Variants in CABIN1 observed in about 807,000 individuals in gnomAD.
The protein encoded by CABIN1 is calcineurin-binding protein cabin-1.
A neutral mutation model predicts 227.7 loss-of-function variants in CABIN1; 133 were observed. The observed-to-expected ratio is 0.58, with a 90% CI of 0.51 to 0.67. The LOEUF (loss-of-function observed/expected upper bound fraction) is 0.67. Ranked by LOEUF, CABIN1 falls within the 30% of genes least tolerant of loss-of-function variation. The pLI, the probability that CABIN1 is intolerant of heterozygous loss-of-function variation, is 0.00. For missense variants in CABIN1, 2,408 were observed against 2,852.5 expected, an observed-to-expected ratio of 0.84 and a Z score of 3.55; for synonymous variants, 1,086 against 1,155.1, an observed-to-expected ratio of 0.94 and a Z score of 1.21.
chr22:24,139,646 T>C (rs2044632383), intron 29 of CABIN1, among the ~76,000 whole-genome samples: 1 of 152,136 alleles, frequency 6.6e-6, no homozygotes, highest in Non-Finnish European at 1.5e-5. Context: ...GAAGTTTCCA[T>C]GTGAGAAGGT....
rs1457471328 is a variant in CABIN1 at position 24,127,012 on chromosome 22, A to G, written c.4633-7290A>G. Among the ~76,000 whole-genome samples, 4 of 151,930 alleles carry G rather than the reference A, an allele frequency of 2.6e-5. No homozygotes were observed. In the East Asian group the frequency reaches 7.7e-4, roughly 29 times the overall value. ...AGACTCTGTCTCAAAAAAAAAAAAA[A>G]AAGCTAAACTAAAAAAACAAAAAAC... On this transcript the variant is annotated intron_variant, in intron 28 of 36. Coordinates refer to ENST00000263119, the MANE Select transcript of CABIN1 (RefSeq NM_012295.4).
chr22:24,141,382 C>T (rs1316746759), intron 29 of CABIN1, among the ~76,000 whole-genome samples: 3 of 152,222 alleles, frequency 2.0e-5, no homozygotes, highest in Non-Finnish European at 4.4e-5. Context: ...GGTCTACCTC[C>T]CCTCTTCCTA....
intron 2 of CABIN1, 92 bp downstream of exon 2, chr22:24,035,612 A>T: frequency 1.3e-6 from 2 of 1,511,442 alleles, no homozygotes; most frequent in Non-Finnish European, 1.8e-6. Context: ...TTAGATTCTG[A>T]AGGCTCTTAT....
chr22:24,106,684 T>G (rs570851740), intron 26 of CABIN1, among the ~76,000 whole-genome samples: 3 of 152,208 alleles, frequency 2.0e-5, no homozygotes, highest in South Asian at 2.1e-4. Flanking sequence ...CTGTCTGTCT[T>G]TCTGTCTGTC....
intron 27 of CABIN1, among the ~76,000 whole-genome samples, chr22:24,119,049 A>G (rs2043245858): frequency 6.6e-6 from 1 of 152,226 alleles, no homozygotes; most frequent in Non-Finnish European, 1.5e-5. Context: ...CCCCAGCCCC[A>G]GAGGTGGGAC....
intron 29 of CABIN1, among the ~76,000 whole-genome samples, chr22:24,138,220 C>G (rs1397793435): frequency 3.9e-5 from 6 of 152,144 alleles, no homozygotes; most frequent in African/African-American, 1.4e-4. Flanking sequence ...CTCACACCAA[C>G]ACAGCAGTCA....
At chr22:24,079,536 C>T (rs2146955368) in intron 19 of CABIN1, among the ~76,000 whole-genome samples, 1 of 152,252 alleles carries the variant, frequency 6.6e-6, no homozygotes, top group Admixed American at 6.5e-5. Flanking sequence ...GTGGGAATTC[C>T]TGCACATCTG....
At chr22:24,077,747 A>G (rs1037851055) in intron 19 of CABIN1, among the ~76,000 whole-genome samples, 3 of 152,144 alleles carry the variant, frequency 2.0e-5, no homozygotes, top group African/African-American at 7.2e-5. Flanking sequence ...TCACCTCCAC[A>G]AGGCCATCCT....
intron 24 of CABIN1, 141 bp downstream of exon 24, chr22:24,091,984 A>G: frequency 1.1e-6 from 1 of 939,902 alleles, no homozygotes; most frequent in Non-Finnish European, 1.6e-6. Context: ...CTTCATGTGC[A>G]ATTGAATTAA....
rs750123259 is a variant in CABIN1 at position 24,062,033 on chromosome 22, G to T, written c.1696+8G>T. 6.2e-7 allele frequency: 1 copy of T among 1,611,200 alleles called. No homozygotes were observed. Among genetic ancestry groups the T allele is most frequent in the South Asian group, 1.1e-5 (1 of 91,012 alleles). ...AAGGCAGAAGCTCTGCAGGTAGGAG[G>T]CATTATGTGTTCTGTGGCCAGGCTA... On this transcript the variant is annotated splice_region_variant and intron_variant, in intron 13 of 36. Transcript: ENST00000263119.
chr22:24,106,199 G>C (rs989840871), intron 26 of CABIN1, among the ~76,000 whole-genome samples: 1 of 152,214 alleles, frequency 6.6e-6, no homozygotes. Flanking sequence ...GATGGATGGG[G>C]GTCCTACCCC....
At chr22:24,156,414 T>C (rs2045816317) in intron 29 of CABIN1, 2 of 251,882 alleles carry the variant, frequency 7.9e-6, no homozygotes, top group Non-Finnish European at 7.5e-6. Flanking sequence ...CGGCAGGCGC[T>C]GGTGAAGCCC....
At chr22:24,099,299 A>G (rs1037301291) in intron 26 of CABIN1, among the ~76,000 whole-genome samples, 1 of 152,148 alleles carries the variant, frequency 6.6e-6, no homozygotes, top group African/African-American at 2.4e-5. Context: ...AAGGGGGCCA[A>G]TGCTCCATTT....
chr22:24,055,389 G>T (rs934507328), intron 9 of CABIN1, among the ~76,000 whole-genome samples: 4 of 152,256 alleles, frequency 2.6e-5, no homozygotes, highest in Non-Finnish European at 5.9e-5. Context: ...GAGGACGGGG[G>T]ATCAGGGATG....
At chr22:24,135,358 C>G (rs537870988) in intron 29 of CABIN1, among the ~76,000 whole-genome samples, 4 of 146,036 alleles carry the variant, frequency 2.7e-5, no homozygotes, top group African/African-American at 1.1e-4. Context: ...CCATTGCACT[C>G]CAGCCGGGGA....
At chr22:24,026,845 C>A (rs2036127072) in intron 1 of CABIN1, among the ~76,000 whole-genome samples, 1 of 152,128 alleles carries the variant, frequency 6.6e-6, no homozygotes, top group African/African-American at 2.4e-5. Flanking sequence ...CTATTCTTTT[C>A]AAAACTGGGT....
chr22:24,024,652 C>T (rs543156056), intron 1 of CABIN1, among the ~76,000 whole-genome samples: 43 of 152,122 alleles, frequency 2.8e-4, no homozygotes, highest in Admixed American at 1.2e-3. Flanking sequence ...ATGATACATA[C>T]GTTAGTTTTC....
intron 26 of CABIN1, among the ~76,000 whole-genome samples, chr22:24,104,536 A>C (rs1186193206): frequency 6.6e-6 from 1 of 152,196 alleles, no homozygotes; most frequent in Non-Finnish European, 1.5e-5. Context: ...GAGCACTGGC[A>C]AAGAATGGAC....
chr22:24,032,308 T>C (rs1237330977), intron 1 of CABIN1, among the ~76,000 whole-genome samples: 1 of 152,264 alleles, frequency 6.6e-6, no homozygotes, highest in Non-Finnish European at 1.5e-5. Flanking sequence ...TGTTGTAGCA[T>C]GTGCTAGAGT....
Sources: allele counts gnomAD v4.1 joint callset (sites outside exome capture counted in the v4.1 genomes callset), GRCh38; gene constraint gnomAD v4.1.1; transcripts MANE v1.5; gene names NCBI Gene and HGNC (gene_info 2026-07-23, HGNC 2026-07-21).